The following SIM1 variants were observed in gnomAD, a reference collection of about 807,000 sequenced individuals.
SIM1 encodes the protein SIM bHLH transcription factor 1, also known as single-minded homolog 1.
Under a neutral mutation model 78.2 loss-of-function variants are expected in SIM1, and 18 were observed. That is an observed-to-expected ratio of 0.23 (90% confidence interval 0.16 to 0.34). The LOEUF is 0.34. SIM1 is among the 10% of genes least tolerant of loss of function. SIM1 has a pLI of 1.00. For missense variants in SIM1, 939 were observed against 975.1 expected (o/e 0.96, Z 0.49); for synonymous variants, 417 against 385.2 (o/e 1.08, Z -0.97).
Position 100,385,763 on chromosome 6 carries a change from C to A in SIM1, c.*4598G>T, listed in dbSNP as rs1421038853. The A allele has an allele frequency of 6.8e-6, 1 of 147,550 alleles. No homozygotes were observed. Among genetic ancestry groups the A allele is most frequent in the African/African-American group, 2.5e-5 (1 of 39,650 alleles). The allele number at this position is 147,550 out of a possible 1,614,324, so 9.1% of individuals were successfully genotyped here. A position where few individuals can be genotyped will look rare whatever the true frequency, so the allele number is the denominator to read the frequency against. The stretch of plus-strand genomic sequence containing the variant: ...AATATGATATAAAAATCATATTTTT[C>A]TGTGTGCGTATGTGTGTGTGTATGC... On this transcript the variant is annotated 3_prime_UTR_variant, in exon 12 of 12. Coordinates refer to ENST00000369208, the MANE Select transcript of SIM1 (RefSeq NM_005068.3).
rs1315481002 is a variant in SIM1, at chr6:100,389,876, G to A, written c.*485C>T. 5.0e-6 allele frequency: 2 copies of A among 397,794 alleles called. No homozygotes were observed. Among genetic ancestry groups the A allele is most frequent in the Non-Finnish European group, 8.8e-6 (2 of 226,028 alleles). The allele number at this position is 397,794 out of a possible 1,614,324, so 24.6% of individuals were successfully genotyped here. The stretch of plus-strand genomic sequence containing the variant: ...TATCTCTCTCTTTCTCAGTTATTTT[G>A]GGAATGGAAATTTCGTTAAGAAGTT... On this transcript the variant is annotated 3_prime_UTR_variant, in exon 12 of 12. Transcript: ENST00000369208.
Position 100,421,067 on chromosome 6 carries a change from A to G in SIM1, c.999-109T>C, listed in dbSNP as rs915607151. On this transcript the variant is annotated intron_variant, in intron 9 of 11. Coordinates refer to ENST00000369208, the MANE Select transcript of SIM1 (RefSeq NM_005068.3). ...CGAATTTGAAAAGAAGGCAAGCAAA[A>G]GTTAGCCCTATAACTAGCTTCCACA... 5.2e-5 allele frequency: 61 copies of G among 1,167,882 alleles called. No homozygotes were observed. In the East Asian group the frequency reaches 1.6e-3, roughly 30 times the overall value. 72.3% of individuals were successfully genotyped at this position (1,167,882 alleles called of 1,614,324 possible). A position where few individuals can be genotyped will look rare whatever the true frequency, so the allele number is the denominator to read the frequency against.
chr6:100,396,347 C>G (rs947871183), intron 10 of SIM1, among the ~76,000 whole-genome samples: 4 of 151,926 alleles, frequency 2.6e-5, no homozygotes, highest in African/African-American at 9.7e-5. Context: ...ACTTTTGAGC[C>G]CTGTTAAGAG....
chr6:100,396,912 G>A (rs1291538775), intron 10 of SIM1, among the ~76,000 whole-genome samples: 2 of 152,160 alleles, frequency 1.3e-5, no homozygotes, highest in Non-Finnish European at 2.9e-5. Flanking sequence ...ATGCAGTAGT[G>A]GGTTAGATTA....
chr6:100,439,642 T>C (rs1772154427), intron 9 of SIM1, among the ~76,000 whole-genome samples: 1 of 152,196 alleles, frequency 6.6e-6, no homozygotes, highest in African/African-American at 2.4e-5. Flanking sequence ...AAGGCTCCAC[T>C]GAACACCATC....
At chr6:100,457,800 G>C (rs1772711321) in intron 2 of SIM1, among the ~76,000 whole-genome samples, 1 of 152,186 alleles carries the variant, frequency 6.6e-6, no homozygotes, top group Admixed American at 6.5e-5. Context: ...TGGTTGACCT[G>C]AGGGCATCGG....
intron 2 of SIM1, among the ~76,000 whole-genome samples, chr6:100,454,462 T>C (rs1772595361): frequency 6.6e-6 from 1 of 152,188 alleles, no homozygotes; most frequent in Non-Finnish European, 1.5e-5. Flanking sequence ...CATCTTCCTA[T>C]TCATTTCCCC....
chr6:100,441,451 A>G (rs1772213387), intron 9 of SIM1, among the ~76,000 whole-genome samples: 2 of 152,104 alleles, frequency 1.3e-5, no homozygotes, highest in African/African-American at 4.8e-5. Flanking sequence ...CACACACACC[A>G]TGTAAGAAAT....
In SIM1 at chr6:100,394,007, C is replaced by T. The variant is rs1444366529; in HGVS notation, c.1168-118G>A. On this transcript the variant is annotated intron_variant, in intron 10 of 11. Transcript: ENST00000369208. ...CAAGCACCCTTAAGGTCTCATTGTC[C>T]TGAGGTCGTCAAAATAACCGTTGCT... The T allele has an allele frequency of 1.3e-5, 13 of 1,026,350 alleles. No homozygotes were observed. In the East Asian group the frequency reaches 3.7e-4, roughly 30 times the overall value. The allele number at this position is 1,026,350 out of a possible 1,614,324, so 63.6% of individuals were successfully genotyped here.
chr6:100,395,559 A>G (rs1770746365), intron 10 of SIM1, among the ~76,000 whole-genome samples: 1 of 152,226 alleles, frequency 6.6e-6, no homozygotes, highest in Admixed American at 6.5e-5. Context: ...AGGAACCAAA[A>G]TACAAGTCCA....
At chr6:100,457,764 G>T (rs1377199501) in intron 2 of SIM1, among the ~76,000 whole-genome samples, 3 of 152,214 alleles carry the variant, frequency 2.0e-5, no homozygotes, top group African/African-American at 7.2e-5. Flanking sequence ...CCCTGCCTGC[G>T]GCCCTCTCCG....
intron 11 of SIM1, 97 bp from the exon 12 acceptor site, chr6:100,391,188 A>G: frequency 7.8e-7 from 1 of 1,287,506 alleles, no homozygotes; most frequent in South Asian, 1.7e-5. Context: ...TATATCTTTC[A>G]TTTTTAATAT....
chr6:100,431,611 C>T (rs1349417573), intron 9 of SIM1, among the ~76,000 whole-genome samples: 2 of 152,158 alleles, frequency 1.3e-5, no homozygotes, highest in African/African-American at 2.4e-5. Context: ...GGATTGCCCA[C>T]TAAAACACCA....
chr6:100,445,112 G>A (rs546570954), intron 9 of SIM1, among the ~76,000 whole-genome samples: 13 of 152,142 alleles, frequency 8.5e-5, no homozygotes, highest in Non-Finnish European at 1.6e-4. Flanking sequence ...AATTTGCTAA[G>A]ACAATGTAAA....
At position 100,390,814 on chromosome 6, in the gene SIM1, A is replaced by G. The variant is rs753888758; in HGVS notation, c.1848T>C (p.Gly616=). ...CAAGAGCAGAGCCATGGCAGACTTC[A>G]CCTGTTGGTGGGGGCTGTTGGTAGT... ...FANYQQPPPT[G]EVCHGSALAN... The change falls in exon 12 of 12, where the codon GGT becomes GGC. Residue 616 remains glycine, a synonymous_variant. Transcript: ENST00000369208. 6.2e-7 allele frequency: 1 copy of G among 1,614,072 alleles called. No individual in the cohort carries two copies. The highest frequency in any genetic ancestry group is 2.2e-5 in the East Asian group (1 of 44,874).
intron 9 of SIM1, among the ~76,000 whole-genome samples, chr6:100,445,091 G>A (rs1772322015): frequency 6.6e-6 from 1 of 152,140 alleles, no homozygotes; most frequent in Admixed American, 6.5e-5. Context: ...AGAATCAATA[G>A]CCATCTATTT....
chr6:100,426,478 G>A (rs1375218132), intron 9 of SIM1, among the ~76,000 whole-genome samples: 2 of 152,162 alleles, frequency 1.3e-5, no homozygotes, highest in East Asian at 3.8e-4. Context: ...CATGCCGCAT[G>A]GGAAGCTCAG....
intron 9 of SIM1, among the ~76,000 whole-genome samples, chr6:100,435,933 G>T (rs1330775545): frequency 6.6e-6 from 1 of 151,932 alleles, no homozygotes; most frequent in East Asian, 1.9e-4. Context: ...AGTTAAAGTT[G>T]AACTCCTTAA....
At chr6:100,396,310 G>A (rs1056850173) in intron 10 of SIM1, among the ~76,000 whole-genome samples, 4 of 151,778 alleles carry the variant, frequency 2.6e-5, no homozygotes, top group African/African-American at 7.3e-5. Flanking sequence ...TATAAACCAG[G>A]TCTATTTCTG....
Sources: allele counts gnomAD v4.1 joint callset (sites outside exome capture counted in the v4.1 genomes callset), GRCh38; gene constraint gnomAD v4.1.1; transcripts MANE v1.5; gene names NCBI Gene and HGNC (gene_info 2026-07-23, HGNC 2026-07-21).